The following CNTN3 variants were observed in gnomAD, a reference collection of about 807,000 sequenced individuals.
CNTN3 encodes contactin-3.
In CNTN3, 60 loss-of-function variants were observed where a neutral mutation model predicts 119.1. That is an observed-to-expected ratio of 0.50 (90% CI 0.41 to 0.62). CNTN3 has a LOEUF of 0.62. Among genes scored for constraint, CNTN3 ranks in the 20% least tolerant of loss-of-function variants. The pLI is 0.00. For missense variants in CNTN3, 1,101 were observed against 1,242.4 expected, an observed-to-expected ratio of 0.89 and a Z score of 1.71; for synonymous variants, 450 against 438.7, an observed-to-expected ratio of 1.03 and a Z score of -0.32.
At chr3:74,357,530 G>A (rs1703965620) in intron 11 of CNTN3, among the ~76,000 whole-genome samples, 2 of 152,032 alleles carry the variant, frequency 1.3e-5, no homozygotes, top group Admixed American at 6.5e-5. Flanking sequence ...TGATCCACCC[G>A]CCTTGGCCTC....
chr3:74,528,078 G>T (rs952181783), intron 1 of CNTN3, among the ~76,000 whole-genome samples: 2 of 151,748 alleles, frequency 1.3e-5, no homozygotes, highest in Non-Finnish European at 2.9e-5. Context: ...TAAATGATAA[G>T]CAAATTCCAT....
chr3:74,515,747 G>C lies in CNTN3; in HGVS notation c.55+5311C>G, dbSNP rs545288106. 6.6e-5 allele frequency among the ~76,000 whole-genome samples: 10 copies of C among 152,160 alleles called. 1 individual carries two copies. In the South Asian group the frequency reaches 2.1e-3, roughly 32 times the overall value. On this transcript the variant is annotated intron_variant, in intron 2 of 22. Coordinates refer to ENST00000263665, the MANE Select transcript of CNTN3 (RefSeq NM_020872.3). Reference sequence around the variant, plus strand: ...CCAGTTGATCTCAATGAACCCTCAAGTTTTGTTTGACTTAGAAGCAGCTCT... The same window carrying C: ...CCAGTTGATCTCAATGAACCCTCAACTTTTGTTTGACTTAGAAGCAGCTCT...
rs770036461 is a variant in CNTN3, at chr3:74,364,634, A to G, written c.1084-38T>C. The G allele has an allele frequency of 5.9e-6, 9 of 1,524,790 alleles. No individual in the cohort carries two copies. In the Admixed American group the frequency reaches 1.5e-4, roughly 26 times the overall value. 94.5% of individuals were successfully genotyped at this position (1,524,790 alleles called of 1,614,324 possible). A position where few individuals can be genotyped will look rare whatever the true frequency, so the allele number is the denominator to read the frequency against. On this transcript the variant is annotated intron_variant, in intron 9 of 22. Coordinates refer to ENST00000263665, the MANE Select transcript of CNTN3 (RefSeq NM_020872.3). ...AAAAATATCTTTCATATAAACAAACATACCACTTTAGAATAAAAATGAACT... is the reference window on the plus strand; with the variant it reads ...AAAAATATCTTTCATATAAACAAACGTACCACTTTAGAATAAAAATGAACT...
chr3:74,366,799 T>TATATATATATATATATATATATATAA (rs1344265725), intron 8 of CNTN3, among the ~76,000 whole-genome samples: 1 of 134,110 alleles, frequency 7.5e-6, no homozygotes, highest in African/African-American at 2.8e-5. Flanking sequence ...TATATATATA[T>TATATATATATATATATATATATATAA]ATATATATAA....
intron 5 of CNTN3, among the ~76,000 whole-genome samples, chr3:74,391,052 T>C (rs1377506150): frequency 6.6e-6 from 1 of 152,204 alleles, no homozygotes; most frequent in East Asian, 1.9e-4. Flanking sequence ...GTAATATGAA[T>C]GAAAGGGTTT....
intron 1 of CNTN3, among the ~76,000 whole-genome samples, chr3:74,599,765 C>A (rs940481200): frequency 3.3e-5 from 5 of 152,034 alleles, no homozygotes; most frequent in African/African-American, 9.7e-5. Context: ...CCTGACCAAG[C>A]CTTCCAACAT....
chr3:74,374,627 G>A (rs895394869), intron 5 of CNTN3, among the ~76,000 whole-genome samples: 2 of 152,060 alleles, frequency 1.3e-5, no homozygotes, highest in Non-Finnish European at 2.9e-5. Flanking sequence ...GAGAAAAACA[G>A]TGTGAGGCTA....
chr3:74,370,069 T>A (rs755043020), intron 6 of CNTN3, 78 bp from the exon 7 acceptor site: 1 of 797,300 alleles, frequency 1.3e-6, no homozygotes, highest in Non-Finnish European at 2.0e-6. Context: ...TAAAACTTTC[T>A]TTTGCTCCCA....
intron 1 of CNTN3, among the ~76,000 whole-genome samples, chr3:74,556,167 T>C (rs1268793998): frequency 1.3e-5 from 2 of 152,176 alleles, no homozygotes; most frequent in Non-Finnish European, 2.9e-5. Flanking sequence ...TCACACACCA[T>C]AAAATCCACC....
intron 11 of CNTN3, among the ~76,000 whole-genome samples, chr3:74,339,912 T>C (rs992915473): frequency 2.0e-5 from 3 of 151,070 alleles, no homozygotes; most frequent in Non-Finnish European, 4.4e-5. Flanking sequence ...GATAGATAGA[T>C]AGATAGATAG....
Position 74,488,864 on chromosome 3 carries a change from T to A in CNTN3, c.183-2233A>T, listed in dbSNP as rs564813966. On this transcript the variant is annotated intron_variant, in intron 3 of 22. Coordinates refer to ENST00000263665, the MANE Select transcript of CNTN3 (RefSeq NM_020872.3). ...ATCTTTTTCATTTACGGCAGATTTC[T>A]GCTATTGGTTTTTGTTTGGTTTATT... Among the ~76,000 whole-genome samples, 11 of 152,316 alleles carry A rather than the reference T, an allele frequency of 7.2e-5. No homozygotes were observed. In the East Asian group the frequency reaches 2.1e-3, roughly 29 times the overall value.
At position 74,333,280 on chromosome 3, in the gene CNTN3, G is replaced by A. The variant is rs77273224; in HGVS notation, c.1668+1455C>T. ...TCTGTACTAGCTTCCTAAGGTTGCC[G>A]TAAGGCAGTACCAAAAACTTGGTGG... On this transcript the variant is annotated intron_variant, in intron 13 of 22. Transcript: ENST00000263665. Among the ~76,000 whole-genome samples the A allele has an allele frequency of 3.5e-4, 53 of 152,300 alleles. 1 individual carries two copies. The East Asian group carries it at 5.4e-3, about 16-fold the overall frequency.
chr3:74,269,902 G>T (rs1017654364), intron 20 of CNTN3, among the ~76,000 whole-genome samples: 5 of 152,272 alleles, frequency 3.3e-5, no homozygotes, highest in African/African-American at 9.6e-5. Flanking sequence ...CAAAGTTCCA[G>T]TTCTGCAAGA....
At chr3:74,393,095 A>G (rs1168278930) in intron 5 of CNTN3, among the ~76,000 whole-genome samples, 2 of 152,190 alleles carry the variant, frequency 1.3e-5, no homozygotes, top group Non-Finnish European at 2.9e-5. Flanking sequence ...CATGAAGTGC[A>G]TCTGCCATAT....
chr3:74,288,358 C>T (rs1217607191), intron 19 of CNTN3, among the ~76,000 whole-genome samples: 1 of 151,828 alleles, frequency 6.6e-6, no homozygotes, highest in Non-Finnish European at 1.5e-5. Flanking sequence ...AGGGTCTCAC[C>T]ATGTTGGCCA....
chr3:74,286,096 C>G (rs1702111838), intron 19 of CNTN3, among the ~76,000 whole-genome samples: 1 of 151,868 alleles, frequency 6.6e-6, no homozygotes, highest in African/African-American at 2.4e-5. Flanking sequence ...GGCACAACTA[C>G]AGTACAGGGA....
At chr3:74,388,717 T>C (rs758271090) in intron 5 of CNTN3, among the ~76,000 whole-genome samples, 1 of 152,178 alleles carries the variant, frequency 6.6e-6, no homozygotes, top group Non-Finnish European at 1.5e-5. Context: ...CCTACAAGCA[T>C]ACAGGCAAGA....
At chr3:74,574,167 C>G (rs550416552) in intron 1 of CNTN3, among the ~76,000 whole-genome samples, 1 of 152,096 alleles carries the variant, frequency 6.6e-6, no homozygotes, top group Non-Finnish European at 1.5e-5. Flanking sequence ...ACCTTGAAAA[C>G]ATTATGCTCA....
intron 8 of CNTN3, among the ~76,000 whole-genome samples, chr3:74,367,956 A>G (rs1704239209): frequency 1.3e-5 from 2 of 152,078 alleles, no homozygotes; most frequent in South Asian, 4.1e-4. Context: ...TTGGGGCCTT[A>G]GAGCTGGACA....
Sources: gnomAD v4.1 joint callset for allele counts (sites outside exome capture counted in the v4.1 genomes callset) on GRCh38, gnomAD v4.1.1 for gene constraint, MANE v1.5 for transcripts, NCBI Gene and HGNC (gene_info 2026-07-23, HGNC 2026-07-21) for gene names.